Variants in TFDP1 observed in about 807,000 individuals in gnomAD.
TFDP1 encodes transcription factor Dp-1.
A neutral mutation model predicts 48.0 loss-of-function variants in TFDP1; 6 were observed. The ratio of observed to expected loss-of-function variants is 0.13; its 90% CI spans 0.07 to 0.25. The LOEUF (loss-of-function observed/expected upper bound fraction) is 0.25, where lower values mean the gene tolerates loss of function less well. Ranked by LOEUF, TFDP1 falls within the 10% of genes least tolerant of loss-of-function variation. The pLI is 1.00. For missense variants in TFDP1, 335 were observed against 543.0 expected (o/e 0.62, Z 3.81); for synonymous variants, 201 against 211.6 (o/e 0.95, Z 0.44).
rs2049389105 is a variant in TFDP1 at position 113,633,377 on chromosome 13, A to G, written c.474+92A>G. The stretch of plus-strand genomic sequence containing the variant: ...TTTAATATCGGGAACAGTTAAAACC[A>G]TACAGAAAATGCCAAGTACAGCATA... On this transcript the variant is annotated intron_variant, in intron 6 of 11. Transcript: ENST00000375370. This position sits in a 1 kb window ranked among gnomAD's most constrained non-coding sequence, Gnocchi z 4.5. 2 of 812,276 alleles carry G rather than the reference A, an allele frequency of 2.5e-6. No homozygotes were observed. Among genetic ancestry groups the G allele is most frequent in the Admixed American group, 2.5e-5 (1 of 40,688 alleles). The allele number at this position is 812,276 out of a possible 1,614,324, so 50.3% of individuals were successfully genotyped here. A position where few individuals can be genotyped will look rare whatever the true frequency, so the allele number is the denominator to read the frequency against.
chr13:113,639,887 C>T (rs2049597475), intron 11 of TFDP1, among the ~76,000 whole-genome samples: 1 of 152,268 alleles, frequency 6.6e-6, no homozygotes, highest in South Asian at 2.1e-4. Flanking sequence ...CCTCCTGTTT[C>T]TGTCGTTATG....
intron 1 of TFDP1, 43 bp from the exon 2 acceptor site, chr13:113,585,731 C>A: frequency 8.2e-7 from 1 of 1,212,258 alleles, no homozygotes; most frequent in Non-Finnish European, 1.2e-6. Context: ...TTCATTCTTA[C>A]TTATTTCTTG....
At position 113,637,779 on chromosome 13, in the gene TFDP1, T is replaced by C. The variant is rs2049531572; in HGVS notation, c.1007-39T>C. On this transcript the variant is annotated intron_variant, in intron 10 of 11. Coordinates refer to ENST00000375370, the MANE Select transcript of TFDP1 (RefSeq NM_007111.5). The stretch of plus-strand genomic sequence containing the variant: ...TTGCCTGTGCGTCTTGTGTTGTTTC[T>C]GTTTCATGACCATTCGCTTATTTTC... 9 of 1,614,268 alleles carry C rather than the reference T, an allele frequency of 5.6e-6. No homozygotes were observed. The East Asian group carries it at 2.0e-4, about 36-fold the overall frequency.
chr13:113,585,191 C>A (rs1258739667), intron 1 of TFDP1: 1 of 147,602 alleles, frequency 6.8e-6, no homozygotes. Flanking sequence ...CAGGGTCGGC[C>A]GGAGCGCGCA....
At chr13:113,628,274 C>T (rs919033404) in intron 4 of TFDP1, among the ~76,000 whole-genome samples, 5 of 151,620 alleles carry the variant, frequency 3.3e-5, no homozygotes, top group Non-Finnish European at 7.4e-5. Flanking sequence ...CGTGTAAAGA[C>T]TGTGTCTGGA....
chr13:113,618,690 G>T (rs1305994291), intron 3 of TFDP1, among the ~76,000 whole-genome samples: 11 of 152,238 alleles, frequency 7.2e-5, no homozygotes, highest in Non-Finnish European at 1.6e-4. Flanking sequence ...GGCTTCCCTG[G>T]TGGCAGGTGT....
At chr13:113,585,508 C>T in intron 1 of TFDP1, 1 of 230,570 alleles carries the variant, frequency 4.3e-6, no homozygotes, top group Non-Finnish European at 8.5e-6. Flanking sequence ...CACCCTCGGC[C>T]GCTGGGCGGG....
chr13:113,601,791 G>A (rs144764874), intron 2 of TFDP1, among the ~76,000 whole-genome samples: 1 of 152,354 alleles, frequency 6.6e-6, no homozygotes, highest in Non-Finnish European at 1.5e-5. Flanking sequence ...CTCCGCAGGA[G>A]TTGATGGGGG....
At chr13:113,613,732 G>A (rs1397147225) in intron 3 of TFDP1, among the ~76,000 whole-genome samples, 4 of 116,486 alleles carry the variant, frequency 3.4e-5, no homozygotes, top group Non-Finnish European at 6.8e-5. Flanking sequence ...GTGTGTGCAT[G>A]AGTGTGTCTG....
At position 113,640,724 on chromosome 13, in the gene TFDP1, A is replaced by T. The variant is rs1229746629; in HGVS notation, c.*457A>T. On this transcript the variant is annotated 3_prime_UTR_variant, in exon 12 of 12. Transcript: ENST00000375370. ...GACTCTGTGGAGTTTGTTCAGTGGT[A>T]CGGTGTCCAAGCAAACAGCAGAATG... The T allele has an allele frequency of 5.0e-6, 1 of 199,970 alleles. No homozygotes were observed. Among genetic ancestry groups the T allele is most frequent in the Non-Finnish European group, 1.0e-5 (1 of 99,314 alleles). The allele number at this position is 199,970 out of a possible 1,614,324, so 12.4% of individuals were successfully genotyped here.
At chr13:113,590,336 C>T (rs979400285) in intron 2 of TFDP1, among the ~76,000 whole-genome samples, 1 of 152,164 alleles carries the variant, frequency 6.6e-6, no homozygotes. Flanking sequence ...GATGCTGTCA[C>T]GAGGCTCTGC....
Position 113,633,225 on chromosome 13 carries a change from G to A in TFDP1, c.414G>A (p.Val138=). 1.9e-6 allele frequency: 3 copies of A among 1,614,090 alleles called. No homozygotes were observed. The highest frequency in any genetic ancestry group is 1.1e-5 in the South Asian group (1 of 91,076). ...QRKGTTSYNE[V]ADELVAEFSA... is the part of the protein sequence containing the mutation. The stretch of plus-strand genomic sequence containing the variant: ...AAGGGACCACTTCCTACAACGAAGT[G>A]GCAGACGAGCTGGTTGCGGAGTTCA... The change falls in exon 6 of 12, where the codon GTG becomes GTA. Residue 138 remains valine (V), a synonymous_variant. Coordinates refer to ENST00000375370, the MANE Select transcript of TFDP1 (RefSeq NM_007111.5). The surrounding 1 kb of genome is among the most constrained non-coding windows in gnomAD (Gnocchi z 4.5).
intron 3 of TFDP1, among the ~76,000 whole-genome samples, chr13:113,620,137 A>G (rs534508545): frequency 4.8e-4 from 73 of 152,300 alleles, no homozygotes; most frequent in Non-Finnish European, 2.2e-4. Flanking sequence ...CAGATGGTGT[A>G]GGCAGGCCAG....
intron 2 of TFDP1, among the ~76,000 whole-genome samples, chr13:113,602,440 G>GTTTA (rs2048460547): frequency 6.6e-6 from 1 of 152,030 alleles, no homozygotes; most frequent in Non-Finnish European, 1.5e-5. Context: ...GAGGGTCCTG[G>GTTTA]TAGCAGGCGG....
Position 113,636,055 on chromosome 13 carries a change from G to A in TFDP1, c.766G>A (p.Val256Ile). The A allele has an allele frequency of 6.2e-7, 1 of 1,614,218 alleles. No individual in the cohort carries two copies. Among genetic ancestry groups the A allele is most frequent in the Non-Finnish European group, 8.5e-7 (1 of 1,180,042 alleles). ...CAGCCGGCCACCGCCACCCAACTCA[G>A]TCATCCACCTGCCCTTCATCATCGT... ...QASRPPPPNS[V>I]IHLPFIIVNT... The change falls in exon 9 of 12, where the codon GTC (valine) becomes ATC (isoleucine). Residue 256 changes from valine (V) to isoleucine (I), a missense_variant. By Grantham distance (29) the Val-to-Ile change is conservative. Around this residue, in one of 3 missense-constraint regions of TFDP1, gnomAD observed 204 missense variants for 287.1 expected, o/e 0.71. Coordinates refer to ENST00000375370, the MANE Select transcript of TFDP1 (RefSeq NM_007111.5).
chr13:113,596,862 T>G (rs1376526775), intron 2 of TFDP1, among the ~76,000 whole-genome samples: 2 of 152,170 alleles, frequency 1.3e-5, no homozygotes, highest in East Asian at 3.9e-4. Flanking sequence ...CTGCTTCGTG[T>G]TTTTGGGCAT....
chr13:113,595,744 C>T (rs1282079305), intron 2 of TFDP1, among the ~76,000 whole-genome samples: 1 of 152,248 alleles, frequency 6.6e-6, no homozygotes, highest in Non-Finnish European at 1.5e-5. Context: ...GTATAGCCGT[C>T]AGGCTTTTTA....
At chr13:113,622,248 C>G (rs1259826726) in intron 3 of TFDP1, among the ~76,000 whole-genome samples, 2 of 152,234 alleles carry the variant, frequency 1.3e-5, no homozygotes, top group African/African-American at 4.8e-5. Context: ...CCGGGCCCAG[C>G]TGCCTTTTCT....
At chr13:113,610,287 C>CTG (rs2048675635) in intron 2 of TFDP1, among the ~76,000 whole-genome samples, 1 of 152,046 alleles carries the variant, frequency 6.6e-6, no homozygotes, top group Non-Finnish European at 1.5e-5. Flanking sequence ...TGTGTGCTTG[C>CTG]TGTGTGGCTG....
Sources: gnomAD v4.1 joint callset for allele counts (sites outside exome capture counted in the v4.1 genomes callset) on GRCh38, gnomAD v4.1.1 for gene constraint, gnomAD v4.1.1 regional missense constraint, Gnocchi (gnomAD v3.1) non-coding constraint, MANE v1.5 for transcripts, NCBI Gene and HGNC (gene_info 2026-07-23, HGNC 2026-07-21) for gene names.